Variants in B4GALT1 observed in about 807,000 individuals in gnomAD.
The protein encoded by B4GALT1 is N-acetyllactosamine synthase.
In B4GALT1, 16 loss-of-function variants were observed where a neutral mutation model predicts 34.9. The observed-to-expected ratio is 0.46, with a 90% confidence interval of 0.31 to 0.70. B4GALT1 has a LOEUF of 0.70. Ranked by LOEUF, B4GALT1 falls within the 30% of genes least tolerant of loss-of-function variation. The probability of loss-of-function intolerance (pLI) is 0.05; values close to 1 mark genes in which losing one functional copy is unlikely to be tolerated. For synonymous variants in B4GALT1, 221 were observed against 218.1 expected (o/e 1.01, Z -0.12); for missense variants, 445 against 530.5 (o/e 0.84, Z 1.58).
chr9:33,155,030 T>C (rs955046056), intron 1 of B4GALT1, among the ~76,000 whole-genome samples: 2 of 152,130 alleles, frequency 1.3e-5, no homozygotes, highest in Admixed American at 6.5e-5. Context: ...CAGCATTACA[T>C]AGCTGGCCCT....
intron 1 of B4GALT1, among the ~76,000 whole-genome samples, chr9:33,139,645 C>G (rs1410055292): frequency 6.6e-6 from 1 of 152,254 alleles, no homozygotes; most frequent in African/African-American, 2.4e-5. Context: ...CTGGCTCTGT[C>G]CCAGTGAGAA....
chr9:33,176,565 G>C, the B4GALT1 span, among the ~76,000 whole-genome samples: 1 of 152,204 alleles, frequency 6.6e-6, no homozygotes, highest in African/African-American at 2.4e-5. Context: ...CAACATAGAT[G>C]CAGCTGGAGG....
intron 2 of B4GALT1, among the ~76,000 whole-genome samples, chr9:33,127,469 A>G (rs1000703383): frequency 1.3e-5 from 2 of 152,246 alleles, no homozygotes; most frequent in African/African-American, 2.4e-5. Context: ...GGCCATCTGT[A>G]TTAAGAACTA....
the B4GALT1 span, among the ~76,000 whole-genome samples, chr9:33,177,920 C>T: frequency 3.3e-5 from 5 of 151,738 alleles, no homozygotes; most frequent in Non-Finnish European, 7.4e-5. Flanking sequence ...TTGCTTGGGC[C>T]TCTTCATAGC....
chr9:33,165,937 G>C (rs1394456507), intron 1 of B4GALT1, among the ~76,000 whole-genome samples: 1 of 152,198 alleles, frequency 6.6e-6, no homozygotes, highest in Non-Finnish European at 1.5e-5. Flanking sequence ...GCTACCGGAA[G>C]TACCAGAAAT....
At chr9:33,173,321 C>T in the B4GALT1 span, among the ~76,000 whole-genome samples, 2 of 151,148 alleles carry the variant, frequency 1.3e-5, no homozygotes, top group Non-Finnish European at 2.9e-5. Context: ...AGGAGAATCA[C>T]TTGAACCTGG....
chr9:33,129,029 T>C (rs762524741), intron 2 of B4GALT1, among the ~76,000 whole-genome samples: 3 of 152,168 alleles, frequency 2.0e-5, no homozygotes, highest in Non-Finnish European at 4.4e-5. Flanking sequence ...AGTAGAAAAC[T>C]TCAAAGCCAG....
chr9:33,157,607 T>C (rs1458926981), intron 1 of B4GALT1, among the ~76,000 whole-genome samples: 1 of 152,190 alleles, frequency 6.6e-6, no homozygotes, highest in Non-Finnish European at 1.5e-5. Flanking sequence ...GGAATATGTA[T>C]GCATTTGAAA....
intron 2 of B4GALT1, among the ~76,000 whole-genome samples, chr9:33,133,350 T>C (rs1437714564): frequency 3.9e-5 from 6 of 152,212 alleles, no homozygotes; most frequent in Admixed American, 2.0e-4. Context: ...TCTACTGGCA[T>C]AGCAACTGTC....
chr9:33,126,841 CAG>C (rs1258108970), intron 2 of B4GALT1, among the ~76,000 whole-genome samples: 2 of 152,356 alleles, frequency 1.3e-5, no homozygotes, highest in African/African-American at 4.8e-5. Flanking sequence ...CACAGGAACA[CAG>C]ACTGGACTGA....
Position 33,166,757 on chromosome 9 carries a change from C to A in B4GALT1, c.412+1G>T. 6.6e-7 allele frequency: 1 copy of A among 1,504,450 alleles called. No individual in the cohort carries two copies. Among genetic ancestry groups the A allele is most frequent in the Non-Finnish European group, 8.8e-7 (1 of 1,133,670 alleles). The allele number at this position is 1,504,450 out of a possible 1,614,324, so 93.2% of individuals were successfully genotyped here. On this transcript the variant is annotated splice_donor_variant, in intron 1 of 5. Transcript: ENST00000379731. LOFTEE classifies it high-confidence loss of function. ...CGACTGGCGCCGACCCGAGTCCTTA[C>A]CAAGCAGCGGGGACTCCTCAGGGCA...
chr9:33,106,808 A>T (rs74429287), downstream of B4GALT1, among the ~76,000 whole-genome samples: 22 of 152,300 alleles, frequency 1.4e-4, no homozygotes, highest in East Asian at 4.3e-3. Flanking sequence ...ACAGCAGGGC[A>T]CTTCCTACAG....
At chr9:33,173,416 CA>C in the B4GALT1 span, among the ~76,000 whole-genome samples, 309 of 101,052 alleles carry the variant, frequency 3.1e-3, no homozygotes, top group Middle Eastern at 4.7e-3. Context: ...AAAAAAAAAG[CA>C]AAAAAAAAAA....
chr9:33,133,886 C>T (rs1840229280), intron 2 of B4GALT1, among the ~76,000 whole-genome samples: 1 of 152,182 alleles, frequency 6.6e-6, no homozygotes, highest in African/African-American at 2.4e-5. Flanking sequence ...CTCCTTTCTG[C>T]CTTAAGGTCC....
At chr9:33,129,478 T>A (rs1227402081) in intron 2 of B4GALT1, among the ~76,000 whole-genome samples, 1 of 152,052 alleles carries the variant, frequency 6.6e-6, no homozygotes, top group African/African-American at 2.4e-5. Flanking sequence ...GAGGCACAGA[T>A]TTAGGCAGAA....
chr9:33,126,662 A>ATTGTTAACATTGTTAACTCTTGTTAACC, intron 2 of B4GALT1, among the ~76,000 whole-genome samples: 1 of 45,224 alleles, frequency 2.2e-5, no homozygotes, highest in Non-Finnish European at 5.9e-5. Flanking sequence ...TAACCATAGC[A>ATTGTTAACATTGTTAACTCTTGTTAACC]ATATGGTAGC....
At chr9:33,107,176 G>A (rs564179611), downstream of B4GALT1, among the ~76,000 whole-genome samples, 2 of 152,286 alleles carry the variant, frequency 1.3e-5, no homozygotes, top group African/African-American at 4.8e-5. Flanking sequence ...AAAGGCAGTA[G>A]CCACATTCCC....
intron 1 of B4GALT1, among the ~76,000 whole-genome samples, chr9:33,158,994 G>A (rs1840638288): frequency 6.6e-6 from 1 of 152,172 alleles, no homozygotes; most frequent in Non-Finnish European, 1.5e-5. Flanking sequence ...GGCAGGCAGG[G>A]ACTCTGCCCA....
At chr9:33,176,664 C>T in the B4GALT1 span, among the ~76,000 whole-genome samples, 2 of 152,230 alleles carry the variant, frequency 1.3e-5, no homozygotes, top group East Asian at 1.9e-4. Flanking sequence ...TGAGTACACT[C>T]GGCACAAAGG....
Sources: allele counts gnomAD v4.1 joint callset (sites outside exome capture counted in the v4.1 genomes callset), GRCh38; gene constraint gnomAD v4.1.1; transcripts MANE v1.5; gene names NCBI Gene and HGNC (gene_info 2026-07-23, HGNC 2026-07-21).